ACER3: variants seen among roughly 807,000 people sequenced by gnomAD.
ACER3 encodes the protein alkaline ceramidase 3.
ACER3 carries 16 observed loss-of-function variants against 48.9 expected under a neutral mutation model. The ratio of observed to expected loss-of-function variants is 0.33; its 90% confidence interval spans 0.22 to 0.50. The LOEUF is 0.50. Ranked by LOEUF, ACER3 falls within the 20% of genes least tolerant of loss-of-function variation. The pLI is 0.98. For synonymous variants in ACER3, 109 were observed against 107.8 expected (o/e 1.01, Z -0.07); for missense variants, 227 against 326.0 (o/e 0.70, Z 2.34).
intron 1 of ACER3, among the ~76,000 whole-genome samples, chr11:76,875,411 C>A (rs903198306): frequency 6.6e-6 from 1 of 151,958 alleles, no homozygotes; most frequent in Non-Finnish European, 1.5e-5. Flanking sequence ...CCACCGCGCC[C>A]GGCCAACATT....
intron 1 of ACER3, among the ~76,000 whole-genome samples, chr11:76,924,992 A>AAAAAAAAAC: frequency 6.7e-6 from 1 of 148,660 alleles, no homozygotes; most frequent in Non-Finnish European, 1.5e-5. Context: ...AAAAAAAAAA[A>AAAAAAAAAC]ACACCAAAAA....
intron 1 of ACER3, among the ~76,000 whole-genome samples, chr11:76,920,796 C>T (rs1946666781): frequency 6.6e-6 from 1 of 152,072 alleles, no homozygotes; most frequent in Non-Finnish European, 1.5e-5. Flanking sequence ...GCCACTATGC[C>T]TGGCTAATTT....
At chr11:76,969,043 A>C (rs931188033) in intron 3 of ACER3, among the ~76,000 whole-genome samples, 3 of 152,166 alleles carry the variant, frequency 2.0e-5, no homozygotes, top group Admixed American at 6.5e-5. Context: ...CAATCTACTC[A>C]TCTGACAAAG....
chr11:76,929,885 G>T (rs1590946234), intron 2 of ACER3, among the ~76,000 whole-genome samples: 1 of 152,162 alleles, frequency 6.6e-6, no homozygotes, highest in Non-Finnish European at 1.5e-5. Flanking sequence ...ATTTTATTGA[G>T]GATTTTTACA....
intron 2 of ACER3, among the ~76,000 whole-genome samples, chr11:76,930,871 A>T (rs996600811): frequency 5.0e-4 from 76 of 151,752 alleles, no homozygotes; most frequent in Non-Finnish European, 8.2e-4. Context: ...TGCTGAGGAG[A>T]GCTTTACTTC....
intron 1 of ACER3, among the ~76,000 whole-genome samples, chr11:76,908,920 G>C (rs993162169): frequency 6.6e-6 from 1 of 152,068 alleles, no homozygotes; most frequent in Non-Finnish European, 1.5e-5. Flanking sequence ...TACCAAAACA[G>C]ATATATAGAC....
chr11:76,865,603 G>A (rs1348060057), intron 1 of ACER3, among the ~76,000 whole-genome samples: 2 of 151,476 alleles, frequency 1.3e-5, no homozygotes, highest in Non-Finnish European at 2.9e-5. Context: ...CCAGCTCCTG[G>A]GTTCAAGCAA....
intron 2 of ACER3, among the ~76,000 whole-genome samples, chr11:76,938,447 T>C (rs531989454): frequency 6.6e-6 from 1 of 152,146 alleles, no homozygotes; most frequent in South Asian, 2.1e-4. Context: ...GCCTCTGAAG[T>C]AGCTGGGACT....
At chr11:76,870,317 A>G (rs2134520324) in intron 1 of ACER3, among the ~76,000 whole-genome samples, 1 of 150,378 alleles carries the variant, frequency 6.6e-6, no homozygotes, top group Middle Eastern at 3.5e-3. Context: ...TTATTTTTGT[A>G]GAGATGAGGT....
At chr11:76,927,824 T>G (rs1335201004) in intron 2 of ACER3, among the ~76,000 whole-genome samples, 1 of 152,192 alleles carries the variant, frequency 6.6e-6, no homozygotes, top group African/African-American at 2.4e-5. Flanking sequence ...TATTCCCTTG[T>G]GTATATGTGC....
intron 7 of ACER3, among the ~76,000 whole-genome samples, chr11:77,012,519 A>G (rs1949290992): frequency 6.6e-6 from 1 of 151,468 alleles, no homozygotes; most frequent in Non-Finnish European, 1.5e-5. Context: ...TCTCTGTTCT[A>G]GCAGTGAACT....
chr11:76,958,066 G>A (rs1429884520), intron 2 of ACER3, among the ~76,000 whole-genome samples: 1 of 151,710 alleles, frequency 6.6e-6, no homozygotes, highest in Admixed American at 6.6e-5. Context: ...AAAGTGCTGG[G>A]ATTACAAGCC....
chr11:76,983,134 C>A (rs1398596593), intron 4 of ACER3, among the ~76,000 whole-genome samples: 1 of 152,118 alleles, frequency 6.6e-6, no homozygotes, highest in Non-Finnish European at 1.5e-5. Context: ...GGAAGATTGA[C>A]TGTAATTTCT....
At chr11:76,959,277 G>A in intron 3 of ACER3, 1 of 1,306,548 alleles carries the variant, frequency 7.7e-7, no homozygotes, top group Non-Finnish European at 9.9e-7. Context: ...AAAATTGAGA[G>A]CAGCATTAGA....
chr11:76,913,726 AG>A (rs1946447843), intron 1 of ACER3, among the ~76,000 whole-genome samples: 1 of 152,238 alleles, frequency 6.6e-6, no homozygotes, highest in African/African-American at 2.4e-5. Flanking sequence ...AAAGCAAAAA[AG>A]AGCCCACATT....
intron 1 of ACER3, chr11:76,867,986 CT>C (rs772868483): frequency 4.7e-5 from 31 of 663,428 alleles, no homozygotes; most frequent in South Asian, 7.6e-5. Flanking sequence ...GGAACAAGGT[CT>C]TTTTTTTCCT....
intron 2 of ACER3, among the ~76,000 whole-genome samples, chr11:76,928,714 A>G (rs75421108): frequency 0.68 from 103,397 of 152,042 alleles, 35,552 homozygotes; most frequent in Non-Finnish European, 0.74. Flanking sequence ...TTATTAAATA[A>G]GGAATCCTTT....
intron 1 of ACER3, among the ~76,000 whole-genome samples, chr11:76,889,466 C>G (rs11237001): frequency 0.061 from 9,326 of 152,158 alleles, 318 homozygotes; most frequent in Middle Eastern, 0.12. Context: ...TATTTCAGTA[C>G]TGGAAATACT....
intron 6 of ACER3, among the ~76,000 whole-genome samples, chr11:76,998,218 G>C (rs1314960119): frequency 6.6e-6 from 1 of 152,220 alleles, no homozygotes; most frequent in East Asian, 1.9e-4. Flanking sequence ...CCAACGCTAG[G>C]AAGATGTGAG....
Sources: gnomAD v4.1 joint callset for allele counts (sites outside exome capture counted in the v4.1 genomes callset) on GRCh38, gnomAD v4.1.1 for gene constraint, MANE v1.5 for transcripts, NCBI Gene and HGNC (gene_info 2026-07-23, HGNC 2026-07-21) for gene names.